PACRG: variants seen among roughly 807,000 people sequenced by gnomAD.
PACRG encodes the protein parkin coregulated gene protein.
PACRG carries 29 observed loss-of-function variants against 29.7 expected under a neutral mutation model. That is an observed-to-expected ratio of 0.98 (90% CI 0.73 to 1.33). The LOEUF (loss-of-function observed/expected upper bound fraction) is 1.33. Among genes scored for constraint, PACRG ranks in the 40% most tolerant of loss-of-function variants. The pLI is 0.00. For synonymous variants in PACRG, 116 were observed against 118.7 expected (o/e 0.98, Z 0.15); for missense variants, 279 against 316.2 (o/e 0.88, Z 0.89).
intron 1 of PACRG, among the ~76,000 whole-genome samples, chr6:162,805,936 T>C (rs142310521): frequency 2.0e-5 from 3 of 152,296 alleles, no homozygotes; most frequent in Non-Finnish European, 4.4e-5. Flanking sequence ...GGAATCATCC[T>C]TCCTTTTAAT....
intron 1 of PACRG, among the ~76,000 whole-genome samples, chr6:162,773,775 A>G (rs1783430359): frequency 6.6e-6 from 1 of 152,038 alleles, no homozygotes; most frequent in Admixed American, 6.6e-5. Flanking sequence ...TCGGCCTCCC[A>G]AAGTGTCATT....
intron 2 of PACRG, among the ~76,000 whole-genome samples, chr6:162,918,275 G>A (rs903084021): frequency 6.6e-6 from 1 of 152,054 alleles, no homozygotes; most frequent in South Asian, 2.1e-4. Flanking sequence ...ACAGCATAAC[G>A]CCTCTGGAAG....
chr6:163,115,638 A>G (rs1473230119), intron 4 of PACRG, among the ~76,000 whole-genome samples: 2 of 152,150 alleles, frequency 1.3e-5, no homozygotes, highest in Non-Finnish European at 2.9e-5. Context: ...GTTGAAAATA[A>G]AAACAAGCAG....
At chr6:163,311,532 G>A (rs915176610) in intron 4 of PACRG, among the ~76,000 whole-genome samples, 2 of 152,188 alleles carry the variant, frequency 1.3e-5, no homozygotes, top group African/African-American at 2.4e-5. Flanking sequence ...AACTGTCAAT[G>A]TAGCAGGTTT....
intron 2 of PACRG, among the ~76,000 whole-genome samples, chr6:162,903,613 T>C (rs893376647): frequency 2.6e-5 from 4 of 152,164 alleles, no homozygotes; most frequent in African/African-American, 9.7e-5. Context: ...TGGGGGAAAC[T>C]GCCCCCATGA....
chr6:163,277,498 C>CAAAT (rs1585393842), intron 4 of PACRG, among the ~76,000 whole-genome samples: 1 of 59,850 alleles, frequency 1.7e-5, no homozygotes, highest in South Asian at 4.9e-4. Flanking sequence ...TATATATACA[C>CAAAT]ACATACACAC....
At chr6:163,171,288 A>C (rs966165841) in intron 4 of PACRG, among the ~76,000 whole-genome samples, 4 of 152,230 alleles carry the variant, frequency 2.6e-5, no homozygotes, top group Admixed American at 1.3e-4. Context: ...ATCACAGATC[A>C]AAGGGGGAAG....
intron 4 of PACRG, among the ~76,000 whole-genome samples, chr6:163,178,812 C>T (rs1047720082): frequency 6.6e-6 from 1 of 152,160 alleles, no homozygotes; most frequent in Non-Finnish European, 1.5e-5. Flanking sequence ...GAACTAGGTA[C>T]AGTATCTGGC....
At chr6:162,919,355 G>T (rs1796908191) in intron 2 of PACRG, among the ~76,000 whole-genome samples, 2 of 152,176 alleles carry the variant, frequency 1.3e-5, no homozygotes, top group African/African-American at 2.4e-5. Flanking sequence ...ACGAAGTTGG[G>T]TGTTAATTTC....
At chr6:162,819,657 G>A (rs1787669019) in intron 2 of PACRG, among the ~76,000 whole-genome samples, 2 of 152,148 alleles carry the variant, frequency 1.3e-5, no homozygotes, top group Admixed American at 6.6e-5. Flanking sequence ...CTGTCACAGG[G>A]CAGGTGCCCA....
At chr6:162,844,467 G>A (rs9364675) in intron 2 of PACRG, among the ~76,000 whole-genome samples, 9,830 of 152,252 alleles carry the variant, frequency 0.065, 465 homozygotes, top group East Asian at 0.26. Flanking sequence ...CGCATGGTGC[G>A]CGCACCCACT....
chr6:162,894,859 T>A (rs1795045342), intron 2 of PACRG, among the ~76,000 whole-genome samples: 1 of 152,200 alleles, frequency 6.6e-6, no homozygotes, highest in Non-Finnish European at 1.5e-5. Context: ...TAGAAATTTG[T>A]CATGATTCTT....
chr6:163,269,936 AAAGAAAGAAAG>A (rs1783727046), intron 4 of PACRG, among the ~76,000 whole-genome samples: 272 of 15,336 alleles, frequency 0.018, 5 homozygotes, highest in East Asian at 0.061. Flanking sequence ...GAAAACAAAG[AAAGAAAGAAAG>A]AAAGAAAGAA....
chr6:162,727,936 C>T (rs1220010971), upstream of PACRG: 7 of 590,416 alleles, frequency 1.2e-5, no homozygotes, highest in South Asian at 2.0e-5. Flanking sequence ...CTTACGTCAC[C>T]GGGGGGCGGG....
intron 4 of PACRG, among the ~76,000 whole-genome samples, chr6:163,192,424 C>T (rs765989258): frequency 1.2e-4 from 19 of 152,170 alleles, no homozygotes; most frequent in Admixed American, 2.6e-4. Context: ...AAAATGTGGG[C>T]TCGGGGACAA....
At chr6:163,009,904 A>T (rs1028085013) in intron 2 of PACRG, among the ~76,000 whole-genome samples, 6 of 152,232 alleles carry the variant, frequency 3.9e-5, no homozygotes, top group African/African-American at 1.4e-4. Context: ...TTAAATACTC[A>T]TATCTTCATA....
rs546806490 is a variant in PACRG at position 163,172,705 on chromosome 6, G to A, written c.613+83297G>A. On this transcript the variant is annotated intron_variant, in intron 4 of 4. Coordinates refer to ENST00000366888, the MANE Select transcript of PACRG (RefSeq NM_001080379.2). The stretch of plus-strand genomic sequence containing the variant: ...CACTGTGTGACACTAAGAACTGTGC[G>A]GTCTCCAGAAAGTTCTAAATGTCAT... Among the ~76,000 whole-genome samples, 10 of 152,286 alleles carry A rather than the reference G, an allele frequency of 6.6e-5. No homozygotes were observed. In the South Asian group the frequency reaches 1.7e-3, roughly 25 times the overall value.
intron 2 of PACRG, among the ~76,000 whole-genome samples, chr6:162,825,578 G>T (rs1426321720): frequency 6.6e-6 from 1 of 152,048 alleles, no homozygotes; most frequent in African/African-American, 2.4e-5. Context: ...AAAAAGATCT[G>T]CCTACTCTTA....
chr6:162,818,726 T>C (rs1470674288), intron 2 of PACRG, among the ~76,000 whole-genome samples: 1 of 152,216 alleles, frequency 6.6e-6, no homozygotes, highest in Non-Finnish European at 1.5e-5. Flanking sequence ...TAGATATTGA[T>C]ACAGGTCATC....
Sources: gnomAD v4.1 joint callset for allele counts (sites outside exome capture counted in the v4.1 genomes callset) on GRCh38, gnomAD v4.1.1 for gene constraint, MANE v1.5 for transcripts, NCBI Gene and HGNC (gene_info 2026-07-23, HGNC 2026-07-21) for gene names.